Variants in DCAF10 observed in about 807,000 individuals in gnomAD.
DCAF10 encodes the protein DDB1 and CUL4 associated factor 10.
A neutral mutation model predicts 51.9 loss-of-function variants in DCAF10; 19 were observed. That is an observed-to-expected ratio of 0.37 (90% CI 0.26 to 0.54). The LOEUF (loss-of-function observed/expected upper bound fraction) is 0.54. Among genes scored for constraint, DCAF10 ranks in the 20% least tolerant of loss-of-function variants. The pLI, the probability that DCAF10 is intolerant of heterozygous loss-of-function variation, is 0.87. For synonymous variants in DCAF10, 291 were observed against 297.1 expected, an observed-to-expected ratio of 0.98 and a Z score of 0.21; for missense variants, 510 against 730.6, an observed-to-expected ratio of 0.70 and a Z score of 3.48.
intron 2 of DCAF10, among the ~76,000 whole-genome samples, chr9:37,825,381 A>C (rs908115766): frequency 2.0e-5 from 3 of 152,254 alleles, no homozygotes; most frequent in African/African-American, 4.8e-5. Flanking sequence ...ACCATGGAAT[A>C]CTATGCAGCC....
At chr9:37,810,195 G>A (rs1829293738) in intron 1 of DCAF10, among the ~76,000 whole-genome samples, 1 of 152,100 alleles carries the variant, frequency 6.6e-6, no homozygotes, top group East Asian at 1.9e-4. Context: ...TATGCAAGAG[G>A]TAGATTGTTT....
chr9:37,827,045 C>T (rs1829873994), intron 2 of DCAF10, among the ~76,000 whole-genome samples: 1 of 152,008 alleles, frequency 6.6e-6, no homozygotes, highest in Admixed American at 6.6e-5. Context: ...AGGGTAGTCT[C>T]GAACTCCCGA....
chr9:37,852,256 A>G (rs185524846), intron 3 of DCAF10, among the ~76,000 whole-genome samples: 11 of 152,332 alleles, frequency 7.2e-5, no homozygotes, highest in Admixed American at 4.6e-4. Context: ...AATATTCAGA[A>G]GGAAACAACG....
At position 37,860,123 on chromosome 9, in the gene DCAF10, C is replaced by T. The variant is rs757840615; in HGVS notation, c.1241C>T (p.Thr414Met). ...LGESDHGNCI[T>M]SLQLHPKGWA... The stretch of plus-strand genomic sequence containing the variant: ...GAGAGTGACCACGGAAACTGCATCA[C>T]GTCCTTACAGCTGCACCCAAAAGGC... The change falls in exon 6 of 7, where the codon ACG becomes ATG. Residue 414 changes from threonine (T) to methionine (M), a missense_variant. By Grantham distance (81) the Thr-to-Met change is moderately conservative (BLOSUM62 -1). This residue lies in a region of DCAF10 where 104 missense variants were observed against 206.2 expected (regional missense o/e 0.50). Transcript: ENST00000377724. 27 of 1,614,002 alleles carry T rather than the reference C, an allele frequency of 1.7e-5. No homozygotes were observed. Among genetic ancestry groups the T allele is most frequent in the Non-Finnish European group, 1.3e-5 (15 of 1,180,014 alleles).
chr9:37,818,284 G>A (rs887679726), intron 1 of DCAF10, among the ~76,000 whole-genome samples: 5 of 152,100 alleles, frequency 3.3e-5, no homozygotes, highest in Non-Finnish European at 5.9e-5. Context: ...GTGGGCCACC[G>A]CACCCGGCCA....
intron 1 of DCAF10, among the ~76,000 whole-genome samples, chr9:37,807,658 C>CTTTTTTTTTTTTTTTT (rs5897701): frequency 1.4e-5 from 1 of 72,558 alleles, no homozygotes; most frequent in Non-Finnish European, 2.6e-5. Context: ...CTTTTCTTTT[C>CTTTTTTTTTTTTTTTT]TTTTTTTTTT....
At chr9:37,856,487 A>T (rs1160481296) in intron 4 of DCAF10, among the ~76,000 whole-genome samples, 1 of 152,256 alleles carries the variant, frequency 6.6e-6, no homozygotes, top group Non-Finnish European at 1.5e-5. Context: ...CTGATACTAA[A>T]TAACATTACA....
rs560425058 is a variant in DCAF10, at chr9:37,854,644, A to C, written c.852-136A>C. The stretch of plus-strand genomic sequence containing the variant: ...AATACCCTAGAACTTATTCCTCCTA[A>C]TTGTAATTTTGAGCCCATTGACCAA... On this transcript the variant is annotated intron_variant, in intron 3 of 6. Transcript: ENST00000377724. The C allele has an allele frequency of 7.1e-6, 5 of 707,046 alleles. No homozygotes were observed. The African/African-American group carries it at 8.9e-5, about 13-fold the overall frequency. 43.8% of individuals were successfully genotyped at this position (707,046 alleles called of 1,614,324 possible).
intron 1 of DCAF10, among the ~76,000 whole-genome samples, chr9:37,816,395 C>A (rs1829534189): frequency 6.6e-6 from 1 of 152,134 alleles, no homozygotes; most frequent in Non-Finnish European, 1.5e-5. Context: ...TAGAGACCAG[C>A]CTGGCTAACA....
intron 1 of DCAF10, among the ~76,000 whole-genome samples, chr9:37,814,452 AT>A (rs901654892): frequency 4.8e-5 from 7 of 145,920 alleles, no homozygotes; most frequent in Non-Finnish European, 9.1e-5. Flanking sequence ...CTGGCCTTCA[AT>A]TTTTTTTTTA....
At chr9:37,828,012 T>C (rs1187939584) in intron 2 of DCAF10, among the ~76,000 whole-genome samples, 2 of 152,000 alleles carry the variant, frequency 1.3e-5, no homozygotes, top group Non-Finnish European at 2.9e-5. Context: ...GCCTCCCGAG[T>C]AGCTGGGACT....
At position 37,861,123 on chromosome 9, in the gene DCAF10, C is replaced by T. The variant is rs1290283667; in HGVS notation, c.1312-17C>T. On this transcript the variant is annotated splice_polypyrimidine_tract_variant and intron_variant, in intron 6 of 6. Coordinates refer to ENST00000377724, the MANE Select transcript of DCAF10 (RefSeq NM_024345.5). The surrounding 1 kb of genome is among the most constrained non-coding windows in gnomAD (Gnocchi z 4.9). ...TGGGCTCTGTAACCTTGGTTTGTCT[C>T]CCTTCTCTCCCCCTAGTGTACTTGT... The T allele has an allele frequency of 6.3e-7, 1 of 1,586,058 alleles. No individual in the cohort carries two copies. The highest frequency in any genetic ancestry group is 1.7e-5 in the Admixed American group (1 of 59,004).
At position 37,829,807 on chromosome 9, in the gene DCAF10, G is replaced by C. The variant is rs75681607; in HGVS notation, c.653+10406G>C. Among the ~76,000 whole-genome samples, 2,995 of 152,148 alleles carry C rather than the reference G, an allele frequency of 0.02. 100 individuals are homozygous for C. Among genetic ancestry groups the C allele is most frequent in the African/African-American group, 0.069 (2,844 of 41,494 alleles). On this transcript the variant is annotated intron_variant, in intron 2 of 6. Transcript: ENST00000377724. This position sits in a 1 kb window ranked among gnomAD's most constrained non-coding sequence, Gnocchi z 4.2. ...CAATCACTGGAGGGCAGGAGTTCAA[G>C]ACTAGCCTGGGCAACACAGTGAGAC... is the stretch of plus-strand genomic sequence containing the variant.
Position 37,853,120 on chromosome 9 carries a change from C to G in DCAF10, c.852-1660C>G, listed in dbSNP as rs138428658. On this transcript the variant is annotated intron_variant, in intron 3 of 6. Coordinates refer to ENST00000377724, the MANE Select transcript of DCAF10 (RefSeq NM_024345.5). ...TAAGCCAAGATCGCGCCATTGCACT[C>G]TAGCCTGGGCAACAAGAGTGAAACT... 6.7e-3 allele frequency among the ~76,000 whole-genome samples: 965 copies of G among 144,092 alleles called. 9 individuals are homozygous for G. Among genetic ancestry groups the G allele is most frequent in the African/African-American group, 0.024 (914 of 38,542 alleles). 94.5% of individuals were successfully genotyped at this position (144,092 alleles called of 152,430 possible).
intron 1 of DCAF10, among the ~76,000 whole-genome samples, chr9:37,804,796 A>G (rs1829063798): frequency 6.6e-6 from 1 of 152,026 alleles, no homozygotes; most frequent in African/African-American, 2.4e-5. Context: ...AAGTAGAGAA[A>G]AAAGGCCTCA....
At chr9:37,811,394 T>C (rs1829344076) in intron 1 of DCAF10, among the ~76,000 whole-genome samples, 1 of 152,206 alleles carries the variant, frequency 6.6e-6, no homozygotes, top group South Asian at 2.1e-4. Context: ...CTATAATTTT[T>C]GTATACAGTG....
intron 1 of DCAF10, among the ~76,000 whole-genome samples, chr9:37,814,487 C>A (rs1359829843): frequency 1.3e-5 from 2 of 150,704 alleles, no homozygotes; most frequent in Non-Finnish European, 3.0e-5. Context: ...TGCTGTGTTG[C>A]CAGGCTGATC....
chr9:37,857,181 G>A, intron 4 of DCAF10, 60 bp from the exon 5 acceptor site: 1 of 1,320,308 alleles, frequency 7.6e-7, no homozygotes, highest in Non-Finnish European at 1.0e-6. Flanking sequence ...TAATTAAAAA[G>A]TTAAGAGCCA....
At position 37,862,414 on chromosome 9, in the gene DCAF10, G is replaced by GATT. The variant is rs1831043065; in HGVS notation, c.*910_*912dup. 2.6e-5 allele frequency: 4 copies of GATT among 152,208 alleles called. No individual in the cohort carries two copies. Among genetic ancestry groups the GATT allele is most frequent in the Non-Finnish European group, 5.9e-5 (4 of 68,044 alleles). The allele number at this position is 152,208 out of a possible 1,614,324, so 9.4% of individuals were successfully genotyped here. ...TAGATTTTCTGTATTTCATCTGCCA[G>GATT]ATTATTTGAATCACACAGGATGATG... is the stretch of plus-strand genomic sequence containing the variant. On this transcript the variant is annotated 3_prime_UTR_variant, in exon 7 of 7. Transcript: ENST00000377724.
Sources: allele counts gnomAD v4.1 joint callset (sites outside exome capture counted in the v4.1 genomes callset), GRCh38; gene constraint gnomAD v4.1.1; regional missense constraint gnomAD v4.1.1; non-coding constraint Gnocchi (gnomAD v3.1); transcripts MANE v1.5; gene names NCBI Gene and HGNC (gene_info 2026-07-23, HGNC 2026-07-21).